Variants in PDE1A observed in about 807,000 individuals in gnomAD.
PDE1A encodes phosphodiesterase 1A.
A neutral mutation model predicts 61.7 loss-of-function variants in PDE1A; 35 were observed. The observed-to-expected ratio is 0.57, with a 90% CI of 0.43 to 0.75. The LOEUF is 0.75. PDE1A is among the 30% of genes least tolerant of loss of function. The probability of loss-of-function intolerance (pLI) is 0.00; values close to 1 mark genes in which losing one functional copy is unlikely to be tolerated. For synonymous variants in PDE1A, 232 were observed against 213.2 expected, an observed-to-expected ratio of 1.09 and a Z score of -0.77; for missense variants, 597 against 630.6, an observed-to-expected ratio of 0.95 and a Z score of 0.57.
chr2:182,454,075 G>T (rs1685723155), intron 2 of PDE1A, among the ~76,000 whole-genome samples: 1 of 152,068 alleles, frequency 6.6e-6, no homozygotes, highest in Non-Finnish European at 1.5e-5. Context: ...CAAAGTCTCA[G>T]GATACAAAAT....
chr2:182,572,429 T>C, the PDE1A span, among the ~76,000 whole-genome samples: 45,014 of 152,042 alleles, frequency 0.3, 7,266 homozygotes, highest in East Asian at 0.4. Context: ...CTTCTCATGG[T>C]TCCAAGTTTG....
chr2:182,651,066 G>C, the PDE1A span, among the ~76,000 whole-genome samples: 4 of 152,228 alleles, frequency 2.6e-5, no homozygotes, highest in Admixed American at 1.3e-4. Flanking sequence ...GAGTGCAATG[G>C]CATGATCTTT....
At chr2:182,537,793 G>C in the PDE1A span, among the ~76,000 whole-genome samples, 1 of 152,144 alleles carries the variant, frequency 6.6e-6, no homozygotes, top group East Asian at 1.9e-4. Context: ...GTGTGTTGCT[G>C]GTAGGAAGTA....
chr2:182,689,245 G>T, the PDE1A span, among the ~76,000 whole-genome samples: 12 of 152,126 alleles, frequency 7.9e-5, no homozygotes, highest in African/African-American at 2.9e-4. Context: ...GGACCACACC[G>T]CACTTATTCC....
At chr2:182,239,417 G>T (rs984947776) in intron 3 of PDE1A, among the ~76,000 whole-genome samples, 4 of 151,732 alleles carry the variant, frequency 2.6e-5, no homozygotes, top group African/African-American at 7.3e-5. Flanking sequence ...GTCTATTTTG[G>T]CGAGTCTTTT....
intron 1 of PDE1A, among the ~76,000 whole-genome samples, chr2:182,403,468 G>A (rs553540221): frequency 5.7e-4 from 86 of 151,928 alleles, no homozygotes; most frequent in Non-Finnish European, 1.1e-3. Context: ...GCGTGGTGGC[G>A]GGCGCCTGTA....
At chr2:182,617,373 G>A in the PDE1A span, among the ~76,000 whole-genome samples, 109 of 152,272 alleles carry the variant, frequency 7.2e-4, 1 homozygote, top group African/African-American at 2.6e-3. Context: ...GCTCTACCAG[G>A]GAAGGATAAC....
upstream of PDE1A, among the ~76,000 whole-genome samples, chr2:182,430,940 C>T (rs1323692746): frequency 2.1e-4 from 25 of 117,344 alleles, no homozygotes; most frequent in African/African-American, 7.2e-4. Context: ...GGGAATATCA[C>T]ACTCTGGGGA....
chr2:182,625,506 T>C, the PDE1A span, among the ~76,000 whole-genome samples: 1 of 152,202 alleles, frequency 6.6e-6, no homozygotes, highest in Admixed American at 6.5e-5. Flanking sequence ...GCAGAGACCA[T>C]GCCTTGAAGA....
the PDE1A span, among the ~76,000 whole-genome samples, chr2:182,618,749 C>G: frequency 6.6e-6 from 1 of 152,154 alleles, no homozygotes; most frequent in Non-Finnish European, 1.5e-5. Context: ...CAAGATTCAA[C>G]TGAAAAATTA....
At chr2:182,312,975 T>C (rs1478963687) in intron 1 of PDE1A, among the ~76,000 whole-genome samples, 2 of 152,208 alleles carry the variant, frequency 1.3e-5, no homozygotes, top group Non-Finnish European at 2.9e-5. Flanking sequence ...AATTTCTTTC[T>C]GCAATGCTTT....
At chr2:182,629,060 G>A in the PDE1A span, among the ~76,000 whole-genome samples, 1 of 152,198 alleles carries the variant, frequency 6.6e-6, no homozygotes, top group Non-Finnish European at 1.5e-5. Flanking sequence ...ACAAGGAATT[G>A]CAGGTGGTCT....
the PDE1A span, among the ~76,000 whole-genome samples, chr2:182,564,891 C>T: frequency 2.8e-4 from 42 of 152,230 alleles, 2 homozygotes; most frequent in Middle Eastern, 3.4e-3. Context: ...CGAGCCTTGG[C>T]TTTCAGCTCC....
rs559206539 is a variant in PDE1A, at chr2:182,190,224, G to A, written c.1126-1164C>T. ...CTAGATATGGCCATCAAAGAAGTAG[G>A]AAAATAGTTACAAACAGGAACATTT... On this transcript the variant is annotated intron_variant, in intron 10 of 13. Coordinates refer to ENST00000351439, the Ensembl canonical transcript of PDE1A. Among the ~76,000 whole-genome samples, 7 of 152,246 alleles carry A rather than the reference G, an allele frequency of 4.6e-5. No homozygotes were observed. In the South Asian group the frequency reaches 8.3e-4, roughly 18 times the overall value.
Position 182,200,436 on chromosome 2 carries a change from T to C in PDE1A, c.1125+1003A>G, listed in dbSNP as rs900226314. The stretch of plus-strand genomic sequence containing the variant: ...TCAACCATGCCTATGTAATGAAACC[T>C]TGATAAATACTCTGGACAGGAAAGC... On this transcript the variant is annotated intron_variant, in intron 10 of 13. Coordinates refer to ENST00000351439, the Ensembl canonical transcript of PDE1A. Among the ~76,000 whole-genome samples, 56 of 152,162 alleles carry C rather than the reference T, an allele frequency of 3.7e-4. 1 individual carries two copies. Among genetic ancestry groups the C allele is most frequent in the Admixed American group, 1.7e-3 (26 of 15,274 alleles).
the PDE1A span, among the ~76,000 whole-genome samples, chr2:182,632,948 C>T: frequency 1.3e-5 from 2 of 152,144 alleles, no homozygotes; most frequent in Non-Finnish European, 1.5e-5. Flanking sequence ...GATTTTAGGA[C>T]TTCATGGTAA....
chr2:182,567,149 C>A, the PDE1A span, among the ~76,000 whole-genome samples: 3 of 152,090 alleles, frequency 2.0e-5, no homozygotes, highest in African/African-American at 7.2e-5. Context: ...CTCTGTAATG[C>A]CATCTCGTAA....
At chr2:182,393,231 C>G (rs1701519315) in intron 1 of PDE1A, among the ~76,000 whole-genome samples, 1 of 152,234 alleles carries the variant, frequency 6.6e-6, no homozygotes, top group African/African-American at 2.4e-5. Context: ...ACACGCCCAA[C>G]ACCATGTGTA....
At chr2:182,442,768 T>C (rs987667799) in intron 2 of PDE1A, among the ~76,000 whole-genome samples, 3 of 152,076 alleles carry the variant, frequency 2.0e-5, no homozygotes, top group Non-Finnish European at 4.4e-5. Context: ...TTTTAAATCA[T>C]ATAGAAATTA....
Sources: allele counts gnomAD v4.1 joint callset (sites outside exome capture counted in the v4.1 genomes callset), GRCh38; gene constraint gnomAD v4.1.1; transcripts MANE v1.5; gene names NCBI Gene and HGNC (gene_info 2026-07-23, HGNC 2026-07-21).